Variants in DCHS1 observed in about 807,000 individuals in gnomAD.
The protein encoded by DCHS1 is protocadherin-16.
DCHS1 carries 78 observed loss-of-function variants against 213.9 expected under a neutral mutation model. That is an observed-to-expected ratio of 0.36 (90% CI 0.30 to 0.44). DCHS1 has a LOEUF of 0.44. Among genes scored for constraint, DCHS1 ranks in the 20% least tolerant of loss-of-function variants. The pLI, the probability that DCHS1 is intolerant of heterozygous loss-of-function variation, is 1.00. For missense variants in DCHS1, 3,946 were observed against 4,395.9 expected (o/e 0.90, Z 2.89); for synonymous variants, 1,828 against 1,873.7 (o/e 0.98, Z 0.63).
rs138385521 is a variant in DCHS1 at position 6,623,714 on chromosome 11, C to G, written c.7962G>C (p.Glu2654Asp). The change falls in exon 21 of 21, where the codon GAG (glutamate) becomes GAC (aspartate). Residue 2654 changes from glutamate (E) to aspartate (D), a missense_variant. By Grantham distance (45) the Glu-to-Asp change is conservative. Around this residue, in one of 3 missense-constraint regions of DCHS1, gnomAD observed 3,384 missense variants for 3,780.1 expected, o/e 0.90. Transcript: ENST00000299441. ...GGGCCAGTCGCAAGGTGCCTGAGCT[C>G]TCATCCAGCTCAAAGAGCCCTGATG... Reference protein sequence around the residue: ...GDPSGLFELDESSGTLRLAHA... With the variant: ...GDPSGLFELDDSSGTLRLAHA... The G allele has an allele frequency of 1.9e-6, 3 of 1,613,872 alleles. No homozygotes were observed.
In DCHS1 at chr11:6,641,398, C is replaced by T. The variant is rs201952528; in HGVS notation, c.216G>A (p.Thr72=). The change falls in exon 2 of 21, where the codon ACG becomes ACA. Residue 72 remains threonine (T), a synonymous_variant. Transcript: ENST00000299441. This position sits in a 1 kb window ranked among gnomAD's most constrained non-coding sequence, Gnocchi z 7.1. ...GDISAGLPAG[T]AAPLMYFISA... The stretch of plus-strand genomic sequence containing the variant: ...AGATGAAGTACATGAGAGGAGCTGC[C>T]GTGCCTGCCGGAAGCCCCGCACTGA... 17 of 1,613,286 alleles carry T rather than the reference C, an allele frequency of 1.1e-5. No individual in the cohort carries two copies. In the African/African-American group the frequency reaches 1.1e-4, roughly 10 times the overall value.
Position 6,626,902 on chromosome 11 carries a change from G to A in DCHS1, c.6137C>T (p.Pro2046Leu), listed in dbSNP as rs1855814674. The change falls in exon 14 of 21, where the codon CCA becomes CTA. Residue 2046 changes from proline (P) to leucine (L), a missense_variant. By Grantham distance (98) the Pro-to-Leu change is moderately conservative (BLOSUM62 -3). This residue lies in a region of DCHS1 where 3,384 missense variants were observed against 3,780.1 expected (regional missense o/e 0.90). Transcript: ENST00000299441. This position sits in a 1 kb window ranked among gnomAD's most constrained non-coding sequence, Gnocchi z 5.2. ...GATCACACCAGTGGCAGAGCGAGCT[G>A]GACGGCCAAGATCAGTGGCCACAAT... ...LFIVATDLGRPARSATGVIIV... is the reference protein window; with the variant it reads ...LFIVATDLGRLARSATGVIIV... The A allele has an allele frequency of 1.9e-6, 3 of 1,613,562 alleles. No individual in the cohort carries two copies. The highest frequency in any genetic ancestry group is 4.5e-5 in the East Asian group (2 of 44,882).
intron 1 of DCHS1, among the ~76,000 whole-genome samples, chr11:6,654,260 G>C (rs1856284564): frequency 6.6e-6 from 1 of 152,124 alleles, no homozygotes; most frequent in Non-Finnish European, 1.5e-5. Flanking sequence ...TGTGGTAAGG[G>C]CAACTGTGGC....
At chr11:6,646,938 A>G (rs1335761351) in intron 1 of DCHS1, among the ~76,000 whole-genome samples, 1 of 151,808 alleles carries the variant, frequency 6.6e-6, no homozygotes, top group Non-Finnish European at 1.5e-5. Flanking sequence ...GGGGGACTAC[A>G]AGGGAAGGGG....
rs200893325 is a variant in DCHS1, at chr11:6,640,349, T to C, written c.1265A>G (p.Tyr422Cys). 7.4e-6 allele frequency: 12 copies of C among 1,612,698 alleles called. No individual in the cohort carries two copies. The highest frequency in any genetic ancestry group is 1.6e-4 in the Middle Eastern group (1 of 6,078). The change falls in exon 2 of 21, where the codon TAT becomes TGT. Residue 422 changes from tyrosine (Y) to cysteine (C), a missense_variant. Tyr to Cys is a radical substitution (Grantham distance 194, BLOSUM62 -2). Transcript: ENST00000299441. This position sits in a 1 kb window ranked among gnomAD's most constrained non-coding sequence, Gnocchi z 6.5. ...FALSTQDSVI[Y>C]LVCVARRLDR... ...CAGCCGCCGAGCCACACACACCAGA[T>C]AGATGACGCTGTCTTGGGTGCTTAG...
intron 2 of DCHS1, 83 bp downstream of exon 2, chr11:6,639,734 G>T (rs1274591010): frequency 3.3e-6 from 4 of 1,213,188 alleles, no homozygotes; most frequent in Non-Finnish European, 4.6e-6. Context: ...AGATGACCTT[G>T]TAAGGCTTGG....
In DCHS1 at chr11:6,622,505, G is replaced by C; in HGVS notation, c.9171C>G (p.Ala3057=). 4.4e-6 allele frequency: 7 copies of C among 1,575,620 alleles called. No individual in the cohort carries two copies. The highest frequency in any genetic ancestry group is 1.7e-4 in the Middle Eastern group (1 of 6,012). ...CAGGGCCACGGGCAGCCAGAGAGGAGGCCACACTGGCCACACGGGGGAACT... is the reference window on the plus strand; with the variant it reads ...CAGGGCCACGGGCAGCCAGAGAGGACGCCACACTGGCCACACGGGGGAACT... ...INEFPRVASV[A]SSLAARGPDS... The change falls in exon 21 of 21, where the codon GCC becomes GCG. Residue 3057 remains alanine (A), a synonymous_variant. Coordinates refer to ENST00000299441, the MANE Select transcript of DCHS1 (RefSeq NM_003737.4). The surrounding 1 kb of genome is among the most constrained non-coding windows in gnomAD (Gnocchi z 5.4).
rs1397264325 is a variant in DCHS1 at position 6,634,163 on chromosome 11, G to A, written c.1941C>T (p.Asp647=). The change falls in exon 3 of 21, where the codon GAC becomes GAT. Residue 647 remains aspartate, a synonymous_variant. Transcript: ENST00000299441. ...TGAAGTCAAAGCTTGAGGGCCCCTG[G>A]TCACGGTCCAGGGTCCGGGTTGTGC... is the stretch of plus-strand genomic sequence containing the variant. ...DVCTTRTLDR[D]QGPSSFDFTV... is the part of the protein sequence containing the mutation. 8 of 1,611,226 alleles carry A rather than the reference G, an allele frequency of 5.0e-6. No homozygotes were observed. Among genetic ancestry groups the A allele is most frequent in the Non-Finnish European group, 6.8e-6 (8 of 1,178,048 alleles).
At chr11:6,636,938 C>A (rs561541325) in intron 2 of DCHS1, among the ~76,000 whole-genome samples, 2 of 152,300 alleles carry the variant, frequency 1.3e-5, no homozygotes, top group East Asian at 3.9e-4. Flanking sequence ...TCCGACCAGC[C>A]CAAAACTAAA....
chr11:6,634,769 T>G (rs1467698850), intron 2 of DCHS1, among the ~76,000 whole-genome samples: 1 of 131,460 alleles, frequency 7.6e-6, no homozygotes, highest in Non-Finnish European at 1.7e-5. Context: ...CTTTTTGCAC[T>G]AAAAAAATGA....
chr11:6,625,294 C>T lies in DCHS1; in HGVS notation c.7050G>A (p.Leu2350=). The T allele has an allele frequency of 6.2e-7, 1 of 1,613,866 alleles. No homozygotes were observed. Among genetic ancestry groups the T allele is most frequent in the Non-Finnish European group, 8.5e-7 (1 of 1,179,878 alleles). ...EQCDRYQLQL[L]AHDGPHEGRA... Reference sequence around the variant, plus strand: ...GGCCCTCATGAGGCCCATCATGTGCCAGCAGCTGCAGCTGGTAGCGGTCAC... The same window carrying T: ...GGCCCTCATGAGGCCCATCATGTGCTAGCAGCTGCAGCTGGTAGCGGTCAC... The change falls in exon 19 of 21, where the codon CTG becomes CTA. Residue 2350 remains leucine, a synonymous_variant. Coordinates refer to ENST00000299441, the MANE Select transcript of DCHS1 (RefSeq NM_003737.4). This position sits in a 1 kb window ranked among gnomAD's most constrained non-coding sequence, Gnocchi z 5.3.
At chr11:6,634,971 G>A (rs938647197) in intron 2 of DCHS1, 2 of 152,130 alleles carry the variant, frequency 1.3e-5, no homozygotes, top group Non-Finnish European at 2.9e-5. Flanking sequence ...ATAAATTTTC[G>A]AGATTAAGTG....
At position 6,640,103 on chromosome 11, in the gene DCHS1, G is replaced by C; in HGVS notation, c.1511C>G (p.Thr504Ser). 1 of 1,613,752 alleles carries C rather than the reference G, an allele frequency of 6.2e-7. No individual in the cohort carries two copies. Among genetic ancestry groups the C allele is most frequent in the African/African-American group, 1.3e-5 (1 of 75,050 alleles). Residue 504 changes from threonine (T) to serine (S), a missense_variant, in exon 2 of 21, where the codon ACC (threonine) becomes AGC (serine). Around this residue, in one of 3 missense-constraint regions of DCHS1, gnomAD observed 3,384 missense variants for 3,780.1 expected, o/e 0.90. Coordinates refer to ENST00000299441, the MANE Select transcript of DCHS1 (RefSeq NM_003737.4). This position sits in a 1 kb window ranked among gnomAD's most constrained non-coding sequence, Gnocchi z 6.5. ...TAGGCTATAAGTGACCTGACCATTG[G>C]TGCCTTGGTCAGGATCCCGAGCAGT... is the stretch of plus-strand genomic sequence containing the variant. The part of the protein sequence containing the change: ...RVTARDPDQG[T>S]NGQVTYSLAP...
chr11:6,637,961 C>G (rs1014010291), intron 2 of DCHS1, among the ~76,000 whole-genome samples: 1 of 152,050 alleles, frequency 6.6e-6, no homozygotes, highest in African/African-American at 2.4e-5. Flanking sequence ...ATTTTTACCC[C>G]GATTCTCTAT....
Position 6,627,626 on chromosome 11 carries a change from C to T in DCHS1, c.5413G>A (p.Gly1805Arg). Residue 1805 changes from glycine to arginine, a missense_variant, in exon 14 of 21, where the codon GGA becomes AGA. Coordinates refer to ENST00000299441, the MANE Select transcript of DCHS1 (RefSeq NM_003737.4). The surrounding 1 kb of genome is among the most constrained non-coding windows in gnomAD (Gnocchi z 5.4). ...SGAFVLDLAS[G>R]EFGTMRPLDR... ...AGTGGCCGCATGGTGCCAAACTCTC[C>T]AGAAGCAAGGTCTAGGACAAAGGCT... 6.2e-7 allele frequency: 1 copy of T among 1,613,326 alleles called. No homozygotes were observed. Among genetic ancestry groups the T allele is most frequent in the Non-Finnish European group, 8.5e-7 (1 of 1,179,850 alleles).
At chr11:6,647,998 A>C (rs1856190202) in intron 1 of DCHS1, among the ~76,000 whole-genome samples, 1 of 152,046 alleles carries the variant, frequency 6.6e-6, no homozygotes, top group Admixed American at 6.5e-5. Flanking sequence ...GAGTGGAAGG[A>C]CTCTAGACTT....
Position 6,640,858 on chromosome 11 carries a change from G to A in DCHS1, c.756C>T (p.Ala252=), listed in dbSNP as rs1856061532. The change falls in exon 2 of 21, where the codon GCC becomes GCT. Residue 252 remains alanine, a synonymous_variant. Coordinates refer to ENST00000299441, the MANE Select transcript of DCHS1 (RefSeq NM_003737.4). This position sits in a 1 kb window ranked among gnomAD's most constrained non-coding sequence, Gnocchi z 6.5. ...GGTAGCGGCTCTGATTGAAAGCCGG[G>A]GCATGGTCATTGATGTCCAGCAGTG... ...DVTLLDINDH[A]PAFNQSRYHA... The A allele has an allele frequency of 1.9e-6, 3 of 1,613,896 alleles. No individual in the cohort carries two copies. Among genetic ancestry groups the A allele is most frequent in the Non-Finnish European group, 2.5e-6 (3 of 1,179,898 alleles).
intron 2 of DCHS1, chr11:6,635,007 GT>G (rs892038944): frequency 1.3e-5 from 2 of 152,198 alleles, no homozygotes; most frequent in African/African-American, 4.8e-5. Flanking sequence ...AGGACCAACT[GT>G]ACTTAGAAAG....
Position 6,628,753 on chromosome 11 carries a change from G to A in DCHS1, c.5239C>T (p.His1747Tyr), listed in dbSNP as rs1341701938. 6.2e-7 allele frequency: 1 copy of A among 1,613,886 alleles called. No individual in the cohort carries two copies. Among genetic ancestry groups the A allele is most frequent in the Non-Finnish European group, 8.5e-7 (1 of 1,179,888 alleles). The change falls in exon 13 of 21, where the codon CAT becomes TAT. Residue 1747 changes from histidine (H) to tyrosine (Y), a missense_variant. Around this residue, in one of 3 missense-constraint regions of DCHS1, gnomAD observed 3,384 missense variants for 3,780.1 expected, o/e 0.90. Transcript: ENST00000299441. This position sits in a 1 kb window ranked among gnomAD's most constrained non-coding sequence, Gnocchi z 4.3. ...VRVAVEDEND[H>Y]APTFGSAHLS... ...TGGGCACTCCCAAAGGTTGGTGCAT[G>A]GTCATTCTCATCCTCCACAGCCACT...
Sources: gnomAD v4.1 joint callset for allele counts (sites outside exome capture counted in the v4.1 genomes callset) on GRCh38, gnomAD v4.1.1 for gene constraint, gnomAD v4.1.1 regional missense constraint, Gnocchi (gnomAD v3.1) non-coding constraint, MANE v1.5 for transcripts, NCBI Gene and HGNC (gene_info 2026-07-23, HGNC 2026-07-21) for gene names.